The following PTPRD variants were observed in gnomAD, a reference collection of about 807,000 sequenced individuals.
The protein encoded by PTPRD is protein tyrosine phosphatase receptor type D.
PTPRD carries 34 observed loss-of-function variants against 214.5 expected under a neutral mutation model. That is an observed-to-expected ratio of 0.16 (90% CI 0.12 to 0.21). The LOEUF (loss-of-function observed/expected upper bound fraction) is 0.21. Among genes scored for constraint, PTPRD ranks in the 10% least tolerant of loss-of-function variants. PTPRD has a pLI of 1.00. For synonymous variants in PTPRD, 1,128 were observed against 845.7 expected (o/e 1.33, Z -5.79); for missense variants, 2,545 against 2,398.7 (o/e 1.06, Z -1.27).
chr9:9,447,015 A>G (rs2090645495), intron 8 of PTPRD, among the ~76,000 whole-genome samples: 3 of 152,158 alleles, frequency 2.0e-5, no homozygotes, highest in Admixed American at 2.0e-4. Flanking sequence ...CAATAATATA[A>G]CAAGTGCTGG....
At chr9:9,648,011 T>C (rs780489638) in intron 7 of PTPRD, among the ~76,000 whole-genome samples, 3 of 152,142 alleles carry the variant, frequency 2.0e-5, no homozygotes, top group Non-Finnish European at 4.4e-5. Flanking sequence ...TCCTTAAACA[T>C]AGTGATCTTT....
chr9:9,224,497 GA>G (rs1330574644), intron 9 of PTPRD, among the ~76,000 whole-genome samples: 1 of 151,942 alleles, frequency 6.6e-6, no homozygotes, highest in African/African-American at 2.4e-5. Flanking sequence ...AAGAAGTGCT[GA>G]AAATGGGGGA....
chr9:9,228,183 C>T (rs1048617632), intron 9 of PTPRD, among the ~76,000 whole-genome samples: 2 of 152,074 alleles, frequency 1.3e-5, no homozygotes, highest in Non-Finnish European at 2.9e-5. Context: ...AATTGCTACT[C>T]TTATAACCCC....
chr9:10,278,701 T>C (rs10733205), intron 3 of PTPRD, among the ~76,000 whole-genome samples: 122,823 of 151,966 alleles, frequency 0.81, 49,806 homozygotes, highest in East Asian at 0.84. Flanking sequence ...ATGATTTTTA[T>C]GCCAATCCGT....
chr9:8,370,837 C>T (rs910328588), intron 39 of PTPRD, among the ~76,000 whole-genome samples: 1 of 152,062 alleles, frequency 6.6e-6, no homozygotes, highest in African/African-American at 2.4e-5. Context: ...ACATAATGGC[C>T]TTGCCACCAC....
chr9:10,166,303 ATCTG>A (rs2099158793), intron 3 of PTPRD, among the ~76,000 whole-genome samples: 1 of 150,220 alleles, frequency 6.7e-6, no homozygotes, highest in East Asian at 1.9e-4. Context: ...GAAAGCCTGC[ATCTG>A]TCTAACATCC....
At position 8,521,172 on chromosome 9, in the gene PTPRD, C is replaced by T; in HGVS notation, c.961+105G>A. The T allele has an allele frequency of 3.8e-6, 5 of 1,300,032 alleles. No individual in the cohort carries two copies. In the Admixed American group the frequency reaches 9.4e-5, roughly 24 times the overall value. 80.5% of individuals were successfully genotyped at this position (1,300,032 alleles called of 1,614,324 possible). ...TTAGGTTATACACACATTTAAAATG[C>T]TGAATAATGAATTATTTTAGATTTT... On this transcript the variant is annotated intron_variant, in intron 20 of 45. Transcript: ENST00000381196.
At chr9:10,603,607 G>C (rs555844175) in intron 2 of PTPRD, among the ~76,000 whole-genome samples, 1 of 151,862 alleles carries the variant, frequency 6.6e-6, no homozygotes, top group African/African-American at 2.4e-5. Flanking sequence ...CAAAGATAAT[G>C]ATTGTACCAA....
At chr9:10,504,661 C>T (rs576570893) in intron 2 of PTPRD, among the ~76,000 whole-genome samples, 22 of 152,196 alleles carry the variant, frequency 1.4e-4, no homozygotes, top group African/African-American at 5.3e-4. Context: ...AGGACACTTC[C>T]TTTTATCAGC....
At chr9:8,527,617 A>T (rs2139387719) in intron 15 of PTPRD, among the ~76,000 whole-genome samples, 1 of 152,264 alleles carries the variant, frequency 6.6e-6, no homozygotes, top group East Asian at 1.9e-4. Context: ...GCAGTTAAAC[A>T]ACTTAGAATT....
At chr9:10,166,252 A>C (rs370498933) in intron 3 of PTPRD, among the ~76,000 whole-genome samples, 1 of 150,328 alleles carries the variant, frequency 6.7e-6, no homozygotes, top group Non-Finnish European at 1.5e-5. Context: ...TGAAAAAAAA[A>C]AAAAACAAAA....
chr9:10,407,684 T>C (rs1389338398), intron 2 of PTPRD, among the ~76,000 whole-genome samples: 1 of 151,524 alleles, frequency 6.6e-6, no homozygotes, highest in Non-Finnish European at 1.5e-5. Flanking sequence ...TCTATATCAG[T>C]ATGTTTAAAT....
At chr9:8,572,353 C>A (rs892505866) in intron 14 of PTPRD, among the ~76,000 whole-genome samples, 1 of 151,878 alleles carries the variant, frequency 6.6e-6, no homozygotes, top group African/African-American at 2.4e-5. Context: ...ATAAAAAGTC[C>A]CAGGTTTATG....
At chr9:9,021,940 AGGGAG>A (rs1285825691) in intron 10 of PTPRD, among the ~76,000 whole-genome samples, 1 of 147,358 alleles carries the variant, frequency 6.8e-6, no homozygotes, top group East Asian at 2.1e-4. Context: ...ACGTGGACAC[AGGGAG>A]GGGAACATCA....
At chr9:8,521,906 T>G (rs992202033) in intron 19 of PTPRD, among the ~76,000 whole-genome samples, 7 of 152,124 alleles carry the variant, frequency 4.6e-5, no homozygotes, top group African/African-American at 1.7e-4. Flanking sequence ...TATGCAGGCA[T>G]GTATATGCAG....
chr9:10,470,711 T>G (rs1354309807), intron 2 of PTPRD, among the ~76,000 whole-genome samples: 1 of 152,118 alleles, frequency 6.6e-6, no homozygotes, highest in African/African-American at 2.4e-5. Context: ...CAAAACTGTT[T>G]TCAGAAATTT....
At chr9:9,785,535 A>T (rs1018135735) in intron 5 of PTPRD, among the ~76,000 whole-genome samples, 18 of 152,072 alleles carry the variant, frequency 1.2e-4, no homozygotes, top group African/African-American at 4.3e-4. Flanking sequence ...AGTGAGAGGC[A>T]TTCCGCAAAA....
chr9:9,572,563 A>G (rs867624622), intron 8 of PTPRD, among the ~76,000 whole-genome samples: 829 of 49,792 alleles, frequency 0.017, 7 homozygotes, highest in African/African-American at 0.062. Flanking sequence ...ATATATATGT[A>G]TATATATATA....
rs142886026 is a variant in PTPRD at position 10,252,945 on chromosome 9, G to A, written c.-545+88018C>T. On this transcript the variant is annotated intron_variant, in intron 3 of 45. Coordinates refer to ENST00000381196, the MANE Select transcript of PTPRD (RefSeq NM_002839.4). ...ATTACAGGTGTGCGCCACCACACCC[G>A]GCTCATTTTTATATTTTTAGTAGAG... 1.3e-4 allele frequency among the ~76,000 whole-genome samples: 19 copies of A among 151,892 alleles called. No individual in the cohort carries two copies. In the South Asian group the frequency reaches 1.3e-3, roughly 10 times the overall value.
Sources: gnomAD v4.1 joint callset for allele counts (sites outside exome capture counted in the v4.1 genomes callset) on GRCh38, gnomAD v4.1.1 for gene constraint, MANE v1.5 for transcripts, NCBI Gene and HGNC (gene_info 2026-07-23, HGNC 2026-07-21) for gene names.